Variants in ZFHX3 observed in about 807,000 individuals in gnomAD.
ZFHX3 encodes zinc finger homeobox 3.
ZFHX3 carries 42 observed loss-of-function variants against 279.1 expected under a neutral mutation model. The observed-to-expected ratio is 0.15, with a 90% CI of 0.12 to 0.19. ZFHX3 has a LOEUF of 0.19. ZFHX3 is among the 10% of genes least tolerant of loss of function. The probability of loss-of-function intolerance (pLI) is 1.00; values close to 1 mark genes in which losing one functional copy is unlikely to be tolerated. For missense variants in ZFHX3, 4,981 were observed against 4,754.0 expected (o/e 1.05, Z -1.40); for synonymous variants, 2,293 against 1,957.8 (o/e 1.17, Z -4.52).
intron 1 of ZFHX3, among the ~76,000 whole-genome samples, chr16:73,835,748 G>A (rs1006921324): frequency 2.6e-5 from 4 of 152,106 alleles, no homozygotes; most frequent in African/African-American, 7.2e-5. Context: ...TGGGATTACA[G>A]GCATGAGCCA....
intron 1 of ZFHX3, among the ~76,000 whole-genome samples, chr16:73,056,977 T>C (rs1471559254): frequency 6.6e-6 from 1 of 152,234 alleles, no homozygotes. Flanking sequence ...TTATGTTCTG[T>C]AATTTGCATT....
chr16:73,303,327 C>T (rs905444640), intron 4 of ZFHX3, among the ~76,000 whole-genome samples: 4 of 151,984 alleles, frequency 2.6e-5, no homozygotes, highest in South Asian at 2.1e-4. Flanking sequence ...TATGTTGGGC[C>T]GAGCAATGGA....
At chr16:73,791,004 G>A (rs933271398) in intron 1 of ZFHX3, among the ~76,000 whole-genome samples, 1 of 151,912 alleles carries the variant, frequency 6.6e-6, no homozygotes, top group South Asian at 2.1e-4. Context: ...TCATTCTGTT[G>A]CCCAGGCTGG....
chr16:73,154,435 T>A (rs953138463), intron 5 of ZFHX3, among the ~76,000 whole-genome samples: 8 of 152,186 alleles, frequency 5.3e-5, no homozygotes, highest in African/African-American at 1.9e-4. Context: ...TCACTCCCTG[T>A]CTGCAATAAC....
At chr16:73,154,807 C>T (rs949320830) in intron 5 of ZFHX3, among the ~76,000 whole-genome samples, 1 of 150,296 alleles carries the variant, frequency 6.7e-6, no homozygotes, top group African/African-American at 2.5e-5. Context: ...TGGTGAAGGC[C>T]ATTAAAAAAA....
At chr16:73,391,020 A>G (rs1340860091) in intron 3 of ZFHX3, among the ~76,000 whole-genome samples, 1 of 151,996 alleles carries the variant, frequency 6.6e-6, no homozygotes, top group East Asian at 1.9e-4. Flanking sequence ...GAAATAAGAA[A>G]CTGCCATGAG....
intron 3 of ZFHX3, among the ~76,000 whole-genome samples, chr16:72,940,524 G>A (rs1960362740): frequency 6.6e-6 from 1 of 152,154 alleles, no homozygotes; most frequent in South Asian, 2.1e-4. Context: ...GCCCCGGTGT[G>A]ACACGTGCCA....
chr16:73,721,654 T>G (rs1241315527), intron 1 of ZFHX3, among the ~76,000 whole-genome samples: 1 of 152,240 alleles, frequency 6.6e-6, no homozygotes, highest in African/African-American at 2.4e-5. Context: ...AAGCGATGTT[T>G]GGTTCTCCTG....
At chr16:73,096,264 C>G (rs1419760808) in intron 7 of ZFHX3, among the ~76,000 whole-genome samples, 1 of 151,570 alleles carries the variant, frequency 6.6e-6, no homozygotes, top group Non-Finnish European at 1.5e-5. Context: ...TGCTGGAGAC[C>G]GGGTGGTGGC....
intron 3 of ZFHX3, among the ~76,000 whole-genome samples, chr16:73,452,240 C>A (rs2018291287): frequency 1.3e-5 from 2 of 152,240 alleles, no homozygotes; most frequent in East Asian, 3.9e-4. Context: ...ATTTCTCCAC[C>A]TCCTTCATGC....
chr16:73,839,326 C>CAAAAAAGAAAAA (rs1961233006), intron 1 of ZFHX3, among the ~76,000 whole-genome samples: 11 of 30,050 alleles, frequency 3.7e-4, no homozygotes, highest in African/African-American at 1.2e-3. Flanking sequence ...GACTCCATCT[C>CAAAAAAGAAAAA]AAAAAAAAAA....
intron 3 of ZFHX3, among the ~76,000 whole-genome samples, chr16:73,434,563 C>A (rs2017964195): frequency 6.6e-6 from 1 of 152,170 alleles, no homozygotes; most frequent in Non-Finnish European, 1.5e-5. Context: ...TCTCTCCCTA[C>A]CCCTTTCCAC....
chr16:72,960,117 G>A lies in ZFHX3; in HGVS notation c.29C>T (p.Ser10Leu), dbSNP rs12922687. MEGCDSPVV[S>L]GKDNGCGIPQ... ...GATACCGCACCCATTGTCCTTCCCC[G>A]AGACGACGGGCGAGTCACAGCCTTC... Residue 10 changes from serine to leucine, a missense_variant, in exon 2 of 10, where the codon TCG becomes TTG. Around this residue, in one of 7 missense-constraint regions of ZFHX3, gnomAD observed 1,068 missense variants for 935.2 expected, o/e 1.14. Transcript: ENST00000268489. 30 of 1,593,314 alleles carry A rather than the reference G, an allele frequency of 1.9e-5. No individual in the cohort carries two copies. The East Asian group carries it at 2.2e-4, about 12-fold the overall frequency.
At chr16:73,606,228 G>C (rs2052181214) in intron 2 of ZFHX3, among the ~76,000 whole-genome samples, 1 of 148,450 alleles carries the variant, frequency 6.7e-6, no homozygotes, top group Non-Finnish European at 1.5e-5. Context: ...TCCATGCTAG[G>C]CTGGCGTGGT....
intron 5 of ZFHX3, among the ~76,000 whole-genome samples, chr16:73,161,924 C>A (rs1402782487): frequency 6.6e-6 from 1 of 152,148 alleles, no homozygotes; most frequent in Non-Finnish European, 1.5e-5. Flanking sequence ...CTCTAAGAAA[C>A]AGGGTTTGAA....
chr16:72,926,688 T>C (rs1203696684), intron 3 of ZFHX3, among the ~76,000 whole-genome samples: 1 of 152,162 alleles, frequency 6.6e-6, no homozygotes, highest in Non-Finnish European at 1.5e-5. Context: ...TTTCTGTAAA[T>C]CAGCCAAATT....
chr16:73,091,353 TG>T (rs1966079139), intron 8 of ZFHX3, among the ~76,000 whole-genome samples: 1 of 152,142 alleles, frequency 6.6e-6, no homozygotes, highest in Non-Finnish European at 1.5e-5. Context: ...ACAAAGGAGT[TG>T]GCAATGGCTT....
chr16:73,439,909 C>CAAAAAAAAAAAAAA (rs71156164), intron 3 of ZFHX3, among the ~76,000 whole-genome samples: 82 of 75,410 alleles, frequency 1.1e-3, no homozygotes, highest in African/African-American at 1.6e-3. Context: ...GGGAGAGGGA[C>CAAAAAAAAAAAAAA]AAAAAAAAAA....
intron 2 of ZFHX3, chr16:73,609,413 T>C (rs2052223062): frequency 6.6e-6 from 1 of 152,232 alleles, no homozygotes; most frequent in Non-Finnish European, 1.5e-5. Context: ...TTTAAAGCCC[T>C]TCACTACTGC....
Sources: allele counts gnomAD v4.1 joint callset (sites outside exome capture counted in the v4.1 genomes callset), GRCh38; gene constraint gnomAD v4.1.1; regional missense constraint gnomAD v4.1.1; transcripts MANE v1.5; gene names NCBI Gene and HGNC (gene_info 2026-07-23, HGNC 2026-07-21).